Variants in DMD observed in about 807,000 individuals in gnomAD.
DMD encodes the protein mutant dystrophin.
In DMD, 63 loss-of-function variants were observed where a neutral mutation model predicts 330.1. The ratio of observed to expected loss-of-function variants is 0.19; its 90% CI spans 0.16 to 0.24. DMD has a LOEUF of 0.24. Among genes scored for constraint, DMD ranks in the 10% least tolerant of loss-of-function variants. DMD has a pLI of 1.00. For synonymous variants in DMD, 1,223 were observed against 959.8 expected (o/e 1.27, Z -5.07); for missense variants, 3,344 against 2,684.1 (o/e 1.25, Z -5.43).
chrX:31,829,318 C>G (rs1227050885), intron 49 of DMD, among the ~76,000 whole-genome samples: 1 of 110,197 alleles, frequency 9.1e-6, no homozygotes, highest in Non-Finnish European at 1.9e-5. Flanking sequence ...TTTCAGAATT[C>G]GCCACTATAG....
chrX:31,453,775 A>AAC (rs2065943214), intron 59 of DMD, among the ~76,000 whole-genome samples: 2 of 103,119 alleles, frequency 1.9e-5, no homozygotes, highest in African/African-American at 3.5e-5. Flanking sequence ...CAAAAAAAAA[A>AAC]AAAAAAAAAA....
rs182848665 is a variant in DMD, at chrX:33,246,768, G to A, written c.7+92491C>T. On this transcript the variant is annotated intron_variant, in intron 1 of 17. Transcript: ENST00000288447. ...TGGCGCGACCTCAGCTCACTGCAAC[G>A]TCCACCTTCCGGGTTCAAGAGACTC... Among the ~76,000 whole-genome samples, 200 of 110,463 alleles carry A rather than the reference G, an allele frequency of 1.8e-3. 1 individual carries two copies. The Admixed American group carries it at 0.019, about 10-fold the overall frequency.
chrX:32,089,900 C>T (rs188270130), intron 44 of DMD, among the ~76,000 whole-genome samples: 114 of 111,373 alleles, frequency 1.0e-3, no homozygotes, highest in African/African-American at 3.6e-3. Flanking sequence ...ATTTACGTTC[C>T]CACCAGCAGT....
At chrX:32,308,046 T>C (rs952861947) in intron 42 of DMD, among the ~76,000 whole-genome samples, 4 of 109,994 alleles carry the variant, frequency 3.6e-5, no homozygotes, top group African/African-American at 1.3e-4. Context: ...TTAGCTAGTG[T>C]TTTTGCTATT....
At chrX:31,451,300 A>C (rs1381172077) in intron 59 of DMD, among the ~76,000 whole-genome samples, 1 of 77,180 alleles carries the variant, frequency 1.3e-5, no homozygotes, top group African/African-American at 5.3e-5. Flanking sequence ...TTTTTTTTCC[A>C]AGGTGGAGTT....
chrX:32,513,608 T>G (rs934107034), intron 18 of DMD, among the ~76,000 whole-genome samples: 1 of 111,796 alleles, frequency 8.9e-6, no homozygotes, highest in African/African-American at 3.3e-5. Context: ...TTAGGCTGTT[T>G]GCAGGGTGAA....
chrX:32,971,269 T>A (rs1320984998), intron 2 of DMD, among the ~76,000 whole-genome samples: 1 of 111,811 alleles, frequency 8.9e-6, no homozygotes, highest in Non-Finnish European at 1.9e-5. Context: ...GCCAGTTTGT[T>A]AGGTTTTTAT....
At chrX:31,765,489 T>C (rs1033049847) in intron 51 of DMD, among the ~76,000 whole-genome samples, 1 of 111,833 alleles carries the variant, frequency 8.9e-6, no homozygotes, top group African/African-American at 3.2e-5. Context: ...AACTCAGTAT[T>C]GTATCAAAAG....
chrX:31,462,253 G>A (rs756193822), intron 59 of DMD, among the ~76,000 whole-genome samples: 1 of 111,348 alleles, frequency 9.0e-6, no homozygotes, highest in Non-Finnish European at 1.9e-5. Context: ...GCTGAGGTGG[G>A]CAGATCACCT....
At chrX:32,796,829 G>T (rs1285390532) in intron 7 of DMD, among the ~76,000 whole-genome samples, 1 of 111,370 alleles carries the variant, frequency 9.0e-6, no homozygotes, top group South Asian at 3.7e-4. Context: ...AAATCTTCAG[G>T]TTTCCCTCTG....
At chrX:32,742,770 T>G (rs2069464255) in intron 7 of DMD, among the ~76,000 whole-genome samples, 1 of 112,267 alleles carries the variant, frequency 8.9e-6, no homozygotes, top group Non-Finnish European at 1.9e-5. Context: ...TTCCCATATG[T>G]GTGATATTTG....
chrX:32,961,574 AAT>A (rs1454484585), intron 2 of DMD, among the ~76,000 whole-genome samples: 2 of 111,737 alleles, frequency 1.8e-5, no homozygotes, highest in Non-Finnish European at 3.8e-5. Flanking sequence ...GATTTTTATT[AAT>A]AGTTTTTTCA....
At position 32,733,227 on chromosome X, in the gene DMD, T is replaced by C. The variant is rs2067963294; in HGVS notation, c.650-33934A>G. ...GGAAGAGCTAACTATCCTAAATATATATGCACCCAACAAAGGAGCACCCAG... is the reference window on the plus strand; with the variant it reads ...GGAAGAGCTAACTATCCTAAATATACATGCACCCAACAAAGGAGCACCCAG... On this transcript the variant is annotated intron_variant, in intron 7 of 78. Coordinates refer to ENST00000357033, the MANE Select transcript of DMD (RefSeq NM_004006.3). Among the ~76,000 whole-genome samples, 4 of 111,204 alleles carry C rather than the reference T, an allele frequency of 3.6e-5. No homozygotes were observed. The Admixed American group carries it at 3.8e-4, about 11-fold the overall frequency.
intron 7 of DMD, among the ~76,000 whole-genome samples, chrX:32,726,091 G>C (rs1484044989): frequency 9.0e-6 from 1 of 111,013 alleles, no homozygotes; most frequent in Non-Finnish European, 1.9e-5. Context: ...CAATATATAT[G>C]TTACAAATTT....
At chrX:33,300,155 A>G (rs1203966681) in intron 1 of DMD, among the ~76,000 whole-genome samples, 1 of 112,307 alleles carries the variant, frequency 8.9e-6, no homozygotes, top group Admixed American at 9.5e-5. Flanking sequence ...GAGTTTTATC[A>G]TTGCTTTTTT....
intron 44 of DMD, among the ~76,000 whole-genome samples, chrX:32,146,543 C>T (rs1292229333): frequency 1.8e-5 from 2 of 111,847 alleles, no homozygotes; most frequent in East Asian, 5.6e-4. Context: ...AATAGGATAA[C>T]AAGAGTACCT....
At chrX:31,148,354 T>C (rs1320228894) in intron 74 of DMD, among the ~76,000 whole-genome samples, 1 of 112,348 alleles carries the variant, frequency 8.9e-6, no homozygotes, top group East Asian at 2.8e-4. Context: ...TTCAACACCA[T>C]TTTGGAGATT....
chrX:32,207,126 C>G (rs1297075214), intron 44 of DMD, among the ~76,000 whole-genome samples: 1 of 111,526 alleles, frequency 9.0e-6, no homozygotes, highest in Non-Finnish European at 1.9e-5. Flanking sequence ...CTCCCAAGCC[C>G]TGTGTGGTAG....
chrX:32,636,196 G>C (rs1010940726), intron 11 of DMD, among the ~76,000 whole-genome samples: 3 of 111,985 alleles, frequency 2.7e-5, no homozygotes, highest in African/African-American at 9.7e-5. Context: ...TTCCCAACAC[G>C]AAGTATGCTG....
Sources: gnomAD v4.1 joint callset for allele counts (sites outside exome capture counted in the v4.1 genomes callset) on GRCh38, gnomAD v4.1.1 for gene constraint, MANE v1.5 for transcripts, NCBI Gene and HGNC (gene_info 2026-07-23, HGNC 2026-07-21) for gene names.